The following VEGFC variants were observed in gnomAD, a reference collection of about 807,000 sequenced individuals.
VEGFC encodes vascular endothelial growth factor C, also known as FLT4 ligand DHM.
VEGFC carries 12 observed loss-of-function variants against 46.1 expected under a neutral mutation model. The ratio of observed to expected loss-of-function variants is 0.26; its 90% CI spans 0.17 to 0.42. The LOEUF (loss-of-function observed/expected upper bound fraction) is 0.42. VEGFC is among the 10% of genes least tolerant of loss of function. VEGFC has a pLI of 1.00. For synonymous variants in VEGFC, 232 were observed against 195.5 expected, an observed-to-expected ratio of 1.19 and a Z score of -1.56; for missense variants, 488 against 529.4, an observed-to-expected ratio of 0.92 and a Z score of 0.77.
At chr4:176,727,658 T>TAG in intron 3 of VEGFC, 120 bp downstream of exon 3, 1 of 937,008 alleles carries the variant, frequency 1.1e-6, no homozygotes, top group Non-Finnish European at 1.5e-6. Context: ...AAAGAAAATA[T>TAG]GAGACCCTGA....
chr4:176,735,399 A>G (rs77390982), intron 1 of VEGFC, among the ~76,000 whole-genome samples: 5,167 of 152,000 alleles, frequency 0.034, 275 homozygotes, highest in African/African-American at 0.12. Context: ...GTTTGGATGT[A>G]AAATGACAGC....
chr4:176,727,891 C>G lies in VEGFC; in HGVS notation c.439G>C (p.Ala147Pro), dbSNP rs745519188. 1 of 1,613,660 alleles carries G rather than the reference C, an allele frequency of 6.2e-7. No homozygotes were observed. Among genetic ancestry groups the G allele is most frequent in the African/African-American group, 1.3e-5 (1 of 74,848 alleles). ...GGAGGTTTAAAGAAGGTGTTTGTCGCGACTCCAAACTCCTTCCCCACATCT... is the reference window on the plus strand; with the variant it reads ...GGAGGTTTAAAGAAGGTGTTTGTCGGGACTCCAAACTCCTTCCCCACATCT... ...CIDVGKEFGV[A>P]TNTFFKPPCV... Residue 147 changes from alanine to proline, a missense_variant, in exon 3 of 7, where the codon GCG becomes CCG. Physicochemically the swap from Ala to Pro is conservative, Grantham distance 27. Coordinates refer to ENST00000618562, the MANE Select transcript of VEGFC (RefSeq NM_005429.5).
chr4:176,792,213 C>T lies in VEGFC; in HGVS notation c.99G>A (p.Glu33=), dbSNP rs763720480. 1.3e-6 allele frequency: 2 copies of T among 1,563,878 alleles called. No homozygotes were observed. Among genetic ancestry groups the T allele is most frequent in the Admixed American group, 3.8e-5 (2 of 52,992 alleles). ...REAPAAAAAF[E]SGLDLSDAEP... The stretch of plus-strand genomic sequence containing the variant: ...CCGCGTCCGAGAGGTCGAGTCCGGA[C>T]TCGAAGGCGGCGGCGGCGGCGGGCG... Residue 33 remains glutamate, a synonymous_variant, in exon 1 of 7, where the codon GAG becomes GAA. Coordinates refer to ENST00000618562, the MANE Select transcript of VEGFC (RefSeq NM_005429.5). The surrounding 1 kb of genome is among the most constrained non-coding windows in gnomAD (Gnocchi z 6.3).
chr4:176,782,234 A>G (rs1025925190), intron 1 of VEGFC, among the ~76,000 whole-genome samples: 1 of 152,220 alleles, frequency 6.6e-6, no homozygotes, highest in Admixed American at 6.5e-5. Context: ...TGGGAGGCCA[A>G]GGCAGATCAC....
At chr4:176,727,470 A>AAC (rs921678793) in intron 3 of VEGFC, among the ~76,000 whole-genome samples, 1 of 152,100 alleles carries the variant, frequency 6.6e-6, no homozygotes, top group Non-Finnish European at 1.5e-5. Flanking sequence ...CTTGAAGATC[A>AAC]ACACACACAC....
chr4:176,780,493 A>G (rs368236483), intron 1 of VEGFC, among the ~76,000 whole-genome samples: 14 of 152,222 alleles, frequency 9.2e-5, no homozygotes, highest in African/African-American at 3.4e-4. Context: ...TCATCTCGAC[A>G]TCACAGATTT....
chr4:176,761,205 C>T (rs2110910769), intron 1 of VEGFC, among the ~76,000 whole-genome samples: 1 of 152,224 alleles, frequency 6.6e-6, no homozygotes, highest in South Asian at 2.1e-4. Context: ...CTTGCAATAC[C>T]TTTTCTCTCA....
At chr4:176,685,798 T>A (rs984835797) in intron 6 of VEGFC, among the ~76,000 whole-genome samples, 10 of 152,104 alleles carry the variant, frequency 6.6e-5, no homozygotes, top group Non-Finnish European at 1.5e-4. Flanking sequence ...ATTATACCTA[T>A]GATGTACTTT....
chr4:176,741,689 T>C, intron 1 of VEGFC, among the ~76,000 whole-genome samples: 1 of 151,942 alleles, frequency 6.6e-6, no homozygotes, highest in East Asian at 1.9e-4. Context: ...CTGTTACTGA[T>C]TGTACTGTTC....
At position 176,747,803 on chromosome 4, in the gene VEGFC, A is replaced by G. The variant is rs779391946; in HGVS notation, c.148-18057T>C. On this transcript the variant is annotated intron_variant, in intron 1 of 6. Transcript: ENST00000618562. The stretch of plus-strand genomic sequence containing the variant: ...CCAGACCCTGTCTCAAAAACAAATG[A>G]ACAAAAATCAAGTTCTCTTTCATTA... Among the ~76,000 whole-genome samples the G allele has an allele frequency of 6.6e-4, 101 of 152,020 alleles. 1 individual carries two copies. The highest frequency in any genetic ancestry group is 1.3e-3 in the Non-Finnish European group (91 of 67,970).
At chr4:176,784,986 C>G (rs938008510) in intron 1 of VEGFC, among the ~76,000 whole-genome samples, 1 of 152,014 alleles carries the variant, frequency 6.6e-6, no homozygotes, top group African/African-American at 2.4e-5. Flanking sequence ...CACTGCATCT[C>G]TAAACAAGTT....
intron 1 of VEGFC, among the ~76,000 whole-genome samples, chr4:176,744,583 C>T (rs567402170): frequency 6.6e-6 from 1 of 152,126 alleles, no homozygotes; most frequent in Non-Finnish European, 1.5e-5. Context: ...GAGATTTTGG[C>T]ATCTCCATCC....
intron 1 of VEGFC, among the ~76,000 whole-genome samples, chr4:176,769,033 G>A (rs928590419): frequency 6.6e-6 from 1 of 151,954 alleles, no homozygotes; most frequent in African/African-American, 2.4e-5. Context: ...AGGTCATGAG[G>A]GTGGAGCCCT....
chr4:176,738,622 C>T (rs1393216532), intron 1 of VEGFC, among the ~76,000 whole-genome samples: 1 of 151,926 alleles, frequency 6.6e-6, no homozygotes, highest in African/African-American at 2.4e-5. Flanking sequence ...TAGGCAATAC[C>T]ATTGAGGACA....
intron 3 of VEGFC, among the ~76,000 whole-genome samples, chr4:176,713,439 CA>C (rs1734650006): frequency 6.6e-6 from 1 of 152,012 alleles, no homozygotes; most frequent in Admixed American, 6.6e-5. Flanking sequence ...AGAAGACATA[CA>C]AAGTGGTTTT....
At chr4:176,726,985 C>T (rs187288377) in intron 3 of VEGFC, among the ~76,000 whole-genome samples, 11 of 152,306 alleles carry the variant, frequency 7.2e-5, no homozygotes, top group African/African-American at 2.6e-4. Flanking sequence ...GAGAAGTTTG[C>T]TTCAGTCCAG....
chr4:176,786,026 A>G (rs11730233), intron 1 of VEGFC, among the ~76,000 whole-genome samples: 106,266 of 152,032 alleles, frequency 0.7, 42,976 homozygotes, highest in East Asian at 0.99. Context: ...GAGCATATAG[A>G]GGAGTTCGAA....
intron 1 of VEGFC, among the ~76,000 whole-genome samples, chr4:176,744,423 G>C (rs963180186): frequency 2.6e-5 from 4 of 151,940 alleles, no homozygotes; most frequent in Admixed American, 2.6e-4. Flanking sequence ...GAAATATCAA[G>C]GTTCTTTTCT....
At chr4:176,726,749 T>TA (rs2111015097) in intron 3 of VEGFC, among the ~76,000 whole-genome samples, 1 of 152,362 alleles carries the variant, frequency 6.6e-6, no homozygotes, top group East Asian at 1.9e-4. Flanking sequence ...GAGTAGGTTT[T>TA]ATTACTGAAA....
Sources: allele counts gnomAD v4.1 joint callset (sites outside exome capture counted in the v4.1 genomes callset), GRCh38; gene constraint gnomAD v4.1.1; non-coding constraint Gnocchi (gnomAD v3.1); transcripts MANE v1.5; gene names NCBI Gene and HGNC (gene_info 2026-07-23, HGNC 2026-07-21).